Variants in PALM2AKAP2 observed in about 807,000 individuals in gnomAD.
PALM2AKAP2 encodes PALM2 and AKAP2 fusion.
Under a neutral mutation model 71.5 loss-of-function variants are expected in PALM2AKAP2, and 37 were observed. That is an observed-to-expected ratio of 0.52 (90% confidence interval 0.40 to 0.68). PALM2AKAP2 has a LOEUF of 0.68. Ranked by LOEUF, PALM2AKAP2 falls within the 30% of genes least tolerant of loss-of-function variation. The pLI, the probability that PALM2AKAP2 is intolerant of heterozygous loss-of-function variation, is 0.00. For missense variants in PALM2AKAP2, 1,224 were observed against 1,191.8 expected (o/e 1.03, Z -0.40); for synonymous variants, 468 against 478.8 (o/e 0.98, Z 0.29).
intron 1 of PALM2AKAP2, among the ~76,000 whole-genome samples, chr9:110,073,542 A>G (rs1199285518): frequency 6.6e-6 from 1 of 152,224 alleles, no homozygotes; most frequent in Admixed American, 6.5e-5. Flanking sequence ...CAAACAAGAA[A>G]GTTCAGATAG....
Position 109,807,515 on chromosome 9 carries a change from A to G in PALM2AKAP2, c.45+26982A>G, listed in dbSNP as rs570948960. Among the ~76,000 whole-genome samples, 3 of 150,464 alleles carry G rather than the reference A, an allele frequency of 2.0e-5. No individual in the cohort carries two copies. In the East Asian group the frequency reaches 5.9e-4, roughly 29 times the overall value. On this transcript the variant is annotated intron_variant, in intron 1 of 9. Transcript: ENST00000302798. ...GGTTCATAGATGGAACCTTCTATAT[A>G]TATATGTTCACATGGTGGAAGGGGC...
chr9:109,677,314 T>C lies in PALM2AKAP2; in HGVS notation c.5+36448T>C, dbSNP rs141153354. Among the ~76,000 whole-genome samples the C allele has an allele frequency of 1.7e-3, 257 of 152,136 alleles. 3 individuals carry two copies. In the South Asian group the frequency reaches 0.032, roughly 19 times the overall value. ...GGATCCTTGAGTTCTCAAGTGAAAT[T>C]AGGTTGGTGCTAGGGCTCATAGAGG... On this transcript the variant is annotated intron_variant, in intron 1 of 6. Transcript: ENST00000374531.
chr9:109,673,536 T>A (rs1827606129), intron 1 of PALM2AKAP2, among the ~76,000 whole-genome samples: 1 of 152,148 alleles, frequency 6.6e-6, no homozygotes, highest in Non-Finnish European at 1.5e-5. Flanking sequence ...GATTTTAGAG[T>A]ATGTGCCACG....
chr9:110,149,750 A>G (rs1406130904), intron 2 of PALM2AKAP2, among the ~76,000 whole-genome samples: 1 of 152,208 alleles, frequency 6.6e-6, no homozygotes, highest in Non-Finnish European at 1.5e-5. Flanking sequence ...CCAGGAGTTC[A>G]AGCCCTGGGC....
intron 6 of PALM2AKAP2, among the ~76,000 whole-genome samples, chr9:109,969,966 A>C (rs1256462000): frequency 1.3e-5 from 2 of 152,204 alleles, no homozygotes; most frequent in Non-Finnish European, 2.9e-5. Flanking sequence ...AGGGAGCACA[A>C]AACCCACTCA....
chr9:110,035,313 T>A (rs1029916413), intron 7 of PALM2AKAP2, among the ~76,000 whole-genome samples: 1 of 80,898 alleles, frequency 1.2e-5, no homozygotes, highest in South Asian at 3.7e-4. Context: ...ACATATTACA[T>A]ACATATGTAT....
chr9:109,767,875 G>A (rs1829179561), intron 1 of PALM2AKAP2, among the ~76,000 whole-genome samples: 1 of 119,842 alleles, frequency 8.3e-6, no homozygotes. Context: ...ATGGGACAAT[G>A]CCTGGTTCAA....
At chr9:109,996,831 C>A (rs1284239387) in intron 6 of PALM2AKAP2, among the ~76,000 whole-genome samples, 1 of 152,214 alleles carries the variant, frequency 6.6e-6, no homozygotes, top group African/African-American at 2.4e-5. Context: ...TGTGGGTTGG[C>A]ATGCGTACAC....
At chr9:109,751,420 T>C (rs1828884677) in intron 1 of PALM2AKAP2, among the ~76,000 whole-genome samples, 1 of 152,176 alleles carries the variant, frequency 6.6e-6, no homozygotes, top group Non-Finnish European at 1.5e-5. Flanking sequence ...TACTCACTAG[T>C]AAAAAGAATG....
intron 1 of PALM2AKAP2, among the ~76,000 whole-genome samples, chr9:109,673,452 T>C (rs10979991): frequency 0.2 from 29,850 of 152,022 alleles, 3,599 homozygotes; most frequent in African/African-American, 0.34. Flanking sequence ...ATTTGATTGC[T>C]CTGTAGTCTG....
intron 1 of PALM2AKAP2, among the ~76,000 whole-genome samples, chr9:109,856,356 G>A (rs1040075322): frequency 1.3e-5 from 2 of 152,244 alleles, no homozygotes; most frequent in African/African-American, 2.4e-5. Context: ...TCGCCATGCC[G>A]TAGTTGCAAA....
chr9:109,991,860 G>C (rs1832489835), intron 6 of PALM2AKAP2, among the ~76,000 whole-genome samples: 1 of 152,206 alleles, frequency 6.6e-6, no homozygotes, highest in African/African-American at 2.4e-5. Context: ...CTGTTTTGTA[G>C]AGGAAGAATA....
At chr9:110,100,051 C>A (rs370296174) in intron 1 of PALM2AKAP2, among the ~76,000 whole-genome samples, 21 of 109,472 alleles carry the variant, frequency 1.9e-4, no homozygotes, top group South Asian at 1.1e-3. Flanking sequence ...GTATGTGTGT[C>A]TATATATATA....
intron 1 of PALM2AKAP2, among the ~76,000 whole-genome samples, chr9:109,655,741 T>C (rs189624763): frequency 6.6e-6 from 1 of 152,358 alleles, no homozygotes; most frequent in African/African-American, 2.4e-5. Context: ...TGAAGGTTTA[T>C]CCCTGTTGTA....
chr9:110,159,973 T>C (rs1289445985), intron 3 of PALM2AKAP2, among the ~76,000 whole-genome samples: 2 of 152,204 alleles, frequency 1.3e-5, no homozygotes, highest in African/African-American at 4.8e-5. Flanking sequence ...CCTGGGCTGA[T>C]TTCTTTGTCC....
At chr9:110,125,854 C>T (rs1337966756) in intron 1 of PALM2AKAP2, among the ~76,000 whole-genome samples, 1 of 151,764 alleles carries the variant, frequency 6.6e-6, no homozygotes, top group East Asian at 1.9e-4. Flanking sequence ...CAGTCCTGCA[C>T]ATATAGTGCA....
At chr9:110,041,508 C>G (rs181635285) in intron 7 of PALM2AKAP2, among the ~76,000 whole-genome samples, 1 of 152,090 alleles carries the variant, frequency 6.6e-6, no homozygotes, top group Non-Finnish European at 1.5e-5. Context: ...CAAGCAGCTG[C>G]GGTGAATATA....
At chr9:110,079,450 C>T (rs1317725848) in intron 1 of PALM2AKAP2, among the ~76,000 whole-genome samples, 3 of 151,966 alleles carry the variant, frequency 2.0e-5, no homozygotes, top group South Asian at 2.1e-4. Context: ...GAGCCGAGAT[C>T]GTGCCACTGG....
intron 1 of PALM2AKAP2, among the ~76,000 whole-genome samples, chr9:109,756,157 A>G (rs7848668): frequency 0.3 from 46,325 of 152,084 alleles, 7,209 homozygotes; most frequent in Middle Eastern, 0.4. Context: ...ATATACATAC[A>G]GATACCAACA....
Sources: allele counts gnomAD v4.1 joint callset (sites outside exome capture counted in the v4.1 genomes callset), GRCh38; gene constraint gnomAD v4.1.1; transcripts MANE v1.5; gene names NCBI Gene and HGNC (gene_info 2026-07-23, HGNC 2026-07-21).